DCLK2: variants seen among roughly 807,000 people sequenced by gnomAD.
The protein encoded by DCLK2 is serine/threonine-protein kinase DCLK2.
A neutral mutation model predicts 78.4 loss-of-function variants in DCLK2; 31 were observed. The observed-to-expected ratio is 0.40, with a 90% CI of 0.30 to 0.53. The LOEUF is 0.53. DCLK2 is among the 20% of genes least tolerant of loss of function. The pLI is 0.61. For synonymous variants in DCLK2, 407 were observed against 374.9 expected (o/e 1.09, Z -0.99); for missense variants, 872 against 973.7 (o/e 0.90, Z 1.39).
intron 15 of DCLK2, among the ~76,000 whole-genome samples, chr4:150,251,913 C>A (rs1251460514): frequency 6.6e-6 from 1 of 151,830 alleles, no homozygotes; most frequent in African/African-American, 2.4e-5. Flanking sequence ...CCAGCTGCTC[C>A]CCTGCCAGAA....
intron 4 of DCLK2, among the ~76,000 whole-genome samples, chr4:150,198,511 A>G (rs1301243392): frequency 1.3e-5 from 2 of 152,146 alleles, no homozygotes; most frequent in African/African-American, 4.8e-5. Flanking sequence ...TTTACTTGAT[A>G]TATTTCCACT....
At chr4:150,158,084 C>T (rs2150239412) in intron 2 of DCLK2, among the ~76,000 whole-genome samples, 1 of 152,300 alleles carries the variant, frequency 6.6e-6, no homozygotes, top group East Asian at 1.9e-4. Flanking sequence ...GCTTAAACAA[C>T]ATAAATCTAT....
At chr4:150,190,034 C>CAAAAAAA (rs71596222) in intron 2 of DCLK2, among the ~76,000 whole-genome samples, 699 of 26,204 alleles carry the variant, frequency 0.027, 131 homozygotes, top group African/African-American at 0.037. Flanking sequence ...GACCCTGTCT[C>CAAAAAAA]AAAAAAAAAA....
intron 14 of DCLK2, 84 bp downstream of exon 14, chr4:150,248,469 C>G (rs528319886): frequency 2.6e-6 from 3 of 1,138,656 alleles, no homozygotes; most frequent in Middle Eastern, 2.3e-4. Context: ...TTTGCACATG[C>G]AAAAGTTATG....
intron 2 of DCLK2, among the ~76,000 whole-genome samples, chr4:150,143,720 T>C (rs1319905136): frequency 6.6e-6 from 1 of 152,150 alleles, no homozygotes; most frequent in African/African-American, 2.4e-5. Flanking sequence ...CAACATCTGT[T>C]TTTTGACTTT....
At chr4:150,087,207 T>G (rs1049315521) in intron 1 of DCLK2, among the ~76,000 whole-genome samples, 4 of 152,334 alleles carry the variant, frequency 2.6e-5, no homozygotes, top group Non-Finnish European at 5.9e-5. Context: ...ACCGGTTTGG[T>G]GAGGTCGCCC....
At chr4:150,097,302 C>T (rs1437643552) in intron 1 of DCLK2, among the ~76,000 whole-genome samples, 1 of 151,634 alleles carries the variant, frequency 6.6e-6, no homozygotes, top group Admixed American at 6.6e-5. Context: ...GCTGGGATTA[C>T]AGGCATGCAC....
At chr4:150,110,888 AT>A (rs376244882) in intron 2 of DCLK2, among the ~76,000 whole-genome samples, 4 of 152,302 alleles carry the variant, frequency 2.6e-5, no homozygotes, top group African/African-American at 9.6e-5. Flanking sequence ...TCATTGGTTA[AT>A]GGACACTTAG....
At position 150,203,873 on chromosome 4, in the gene DCLK2, G is replaced by A; in HGVS notation, c.1040G>A (p.Ser347Asn). Residue 347 changes from serine (S) to asparagine (N), a missense_variant, in exon 5 of 16, where the codon AGT becomes AAT. Ser to Asn is a conservative substitution (Grantham distance 46, BLOSUM62 1). Coordinates refer to ENST00000296550, the MANE Select transcript of DCLK2 (RefSeq NM_001040260.4). ...AGTTCCTCTCCAACTAGTCCAGGAA[G>A]TTTCAGAGGATTAAAGGTATGAAAT... is the stretch of plus-strand genomic sequence containing the variant. ...SSSSSPTSPG[S>N]FRGLKQISAH... is the part of the protein sequence containing the mutation. 2 of 1,613,106 alleles carry A rather than the reference G, an allele frequency of 1.2e-6. No homozygotes were observed. The highest frequency in any genetic ancestry group is 1.7e-6 in the Non-Finnish European group (2 of 1,179,142).
intron 12 of DCLK2, among the ~76,000 whole-genome samples, chr4:150,243,372 G>A (rs1231231170): frequency 6.6e-6 from 1 of 151,010 alleles, no homozygotes; most frequent in Admixed American, 6.6e-5. Context: ...AATCTGTAAT[G>A]TTAAACGTGT....
At chr4:150,238,535 T>C (rs1050311884) in intron 10 of DCLK2, among the ~76,000 whole-genome samples, 1 of 152,248 alleles carries the variant, frequency 6.6e-6, no homozygotes, top group Admixed American at 6.5e-5. Context: ...TAAGCATAAA[T>C]AGTCACGTCT....
chr4:150,205,715 G>A (rs1393783133), intron 5 of DCLK2, among the ~76,000 whole-genome samples: 1 of 152,192 alleles, frequency 6.6e-6, no homozygotes, highest in Non-Finnish European at 1.5e-5. Context: ...ACTTTCAAGA[G>A]AACTAAAATA....
chr4:150,205,729 A>G (rs1739795679), intron 5 of DCLK2, among the ~76,000 whole-genome samples: 1 of 152,264 alleles, frequency 6.6e-6, no homozygotes. Flanking sequence ...TAAAATAAAA[A>G]TAAGTTGATT....
chr4:150,117,232 T>C (rs1180465493), intron 2 of DCLK2, among the ~76,000 whole-genome samples: 1 of 152,006 alleles, frequency 6.6e-6, no homozygotes, highest in Non-Finnish European at 1.5e-5. Flanking sequence ...GAGTGGGGAA[T>C]AGCAGACGGC....
chr4:150,207,779 T>A (rs550082034), intron 5 of DCLK2, among the ~76,000 whole-genome samples: 1 of 152,308 alleles, frequency 6.6e-6, no homozygotes, highest in East Asian at 1.9e-4. Flanking sequence ...TTTGTTTTGT[T>A]CAAGTAGTAT....
In DCLK2 at chr4:150,102,641, A is replaced by G. The variant is rs1245390130; in HGVS notation, c.585A>G (p.Lys195=). The part of the protein sequence containing the change: ...SEVKESKDFI[K]PKLVTVIRSG... ...TAAAAGAAAGTAAAGATTTCATCAA[A>G]CCCAAGTTAGTGACTGTGATTCGAA... Residue 195 remains lysine, a synonymous_variant, in exon 2 of 16, where the codon AAA becomes AAG. Coordinates refer to ENST00000296550, the MANE Select transcript of DCLK2 (RefSeq NM_001040260.4). The G allele has an allele frequency of 5.0e-6, 8 of 1,614,082 alleles. No individual in the cohort carries two copies. The highest frequency in any genetic ancestry group is 5.9e-6 in the Non-Finnish European group (7 of 1,180,038).
At chr4:150,188,662 G>T (rs1489368891) in intron 2 of DCLK2, among the ~76,000 whole-genome samples, 3 of 152,070 alleles carry the variant, frequency 2.0e-5, no homozygotes, top group Admixed American at 6.5e-5. Flanking sequence ...AACACTATGG[G>T]AGGCTGAGGC....
chr4:150,184,763 G>A (rs1419532126), intron 2 of DCLK2, among the ~76,000 whole-genome samples: 5 of 151,852 alleles, frequency 3.3e-5, no homozygotes, highest in East Asian at 1.9e-4. Flanking sequence ...CACCATGCCC[G>A]GCTAATTTTT....
At chr4:150,171,780 TACC>T (rs1736550291) in intron 2 of DCLK2, among the ~76,000 whole-genome samples, 1 of 152,206 alleles carries the variant, frequency 6.6e-6, no homozygotes, top group Non-Finnish European at 1.5e-5. Context: ...CAAATAGCAT[TACC>T]ACAACTTCCA....
Sources: gnomAD v4.1 joint callset for allele counts (sites outside exome capture counted in the v4.1 genomes callset) on GRCh38, gnomAD v4.1.1 for gene constraint, MANE v1.5 for transcripts, NCBI Gene and HGNC (gene_info 2026-07-23, HGNC 2026-07-21) for gene names.